The following GABRB3 variants were observed in gnomAD, a reference collection of about 807,000 sequenced individuals.
GABRB3 encodes the protein gamma-aminobutyric acid type A receptor subunit beta3, also known as gamma-aminobutyric acid receptor subunit beta-3.
In GABRB3, 14 loss-of-function variants were observed where a neutral mutation model predicts 52.1. The ratio of observed to expected loss-of-function variants is 0.27; its 90% CI spans 0.18 to 0.42. The LOEUF is 0.42. Ranked by LOEUF, GABRB3 falls within the 10% of genes least tolerant of loss-of-function variation. The pLI, the probability that GABRB3 is intolerant of heterozygous loss-of-function variation, is 1.00. For synonymous variants in GABRB3, 260 were observed against 232.3 expected (o/e 1.12, Z -1.08); for missense variants, 307 against 609.1 (o/e 0.50, Z 5.22).
chr15:26,743,712 C>G (rs1336529173), intron 3 of GABRB3, among the ~76,000 whole-genome samples: 1 of 152,156 alleles, frequency 6.6e-6, no homozygotes, highest in Non-Finnish European at 1.5e-5. Context: ...CATTTTCTGT[C>G]ATTATAGTGA....
At chr15:26,753,339 G>A (rs1890568963) in intron 3 of GABRB3, among the ~76,000 whole-genome samples, 2 of 152,214 alleles carry the variant, frequency 1.3e-5, no homozygotes, top group Non-Finnish European at 2.9e-5. Context: ...GACCACAGGA[G>A]ATTCACAGGT....
intron 5 of GABRB3, 153 bp from the exon 6 acceptor site, chr15:26,580,609 T>C (rs1024781536): frequency 1.0e-6 from 1 of 974,322 alleles, no homozygotes; most frequent in Non-Finnish European, 1.6e-6. Context: ...ATCAAAGAAC[T>C]AACTTTCCAA....
At chr15:26,684,841 T>G (rs929660454) in intron 3 of GABRB3, among the ~76,000 whole-genome samples, 30 of 152,200 alleles carry the variant, frequency 2.0e-4, no homozygotes, top group Non-Finnish European at 3.1e-4. Context: ...CAAGGATCGC[T>G]GCTCACAGGT....
intron 3 of GABRB3, among the ~76,000 whole-genome samples, chr15:26,648,709 G>A (rs1330409957): frequency 6.6e-6 from 1 of 152,240 alleles, no homozygotes; most frequent in Admixed American, 6.5e-5. Context: ...GAGAGAAACA[G>A]TGTCTGTAAA....
At chr15:26,676,598 G>C (rs77841622) in intron 3 of GABRB3, among the ~76,000 whole-genome samples, 1,847 of 152,240 alleles carry the variant, frequency 0.012, 42 homozygotes, top group African/African-American at 0.043. Flanking sequence ...ACTAACACAG[G>C]AAGAAAAGAA....
At chr15:26,574,409 G>A (rs1437290748) in intron 6 of GABRB3, among the ~76,000 whole-genome samples, 2 of 152,082 alleles carry the variant, frequency 1.3e-5, no homozygotes, top group African/African-American at 4.8e-5. Context: ...CTAAGTATAT[G>A]AGTTAATTTC....
At chr15:26,645,437 G>C (rs906096267) in intron 3 of GABRB3, among the ~76,000 whole-genome samples, 4 of 152,168 alleles carry the variant, frequency 2.6e-5, no homozygotes, top group African/African-American at 9.7e-5. Context: ...TGTGAGGTAT[G>C]GTGATGGGTG....
intron 3 of GABRB3, among the ~76,000 whole-genome samples, chr15:26,720,105 G>A (rs1310577293): frequency 6.6e-6 from 1 of 151,954 alleles, no homozygotes; most frequent in South Asian, 2.1e-4. Flanking sequence ...GCTCAACCTG[G>A]CTCAAAAAGC....
At chr15:26,772,813 C>A (rs779143981) in intron 1 of GABRB3, 41 bp from the exon 2 acceptor site, 2 of 1,477,356 alleles carry the variant, frequency 1.4e-6, no homozygotes, top group South Asian at 1.3e-5. Context: ...GGGTCAGGGG[C>A]GGCTCAGCCG....
chr15:26,732,197 G>A (rs766684910), intron 3 of GABRB3, among the ~76,000 whole-genome samples: 11 of 151,634 alleles, frequency 7.3e-5, no homozygotes, highest in Non-Finnish European at 1.5e-4. Flanking sequence ...TGTATAGATG[G>A]ATGGGTGGAT....
At chr15:26,571,624 A>G (rs868841891) in intron 6 of GABRB3, among the ~76,000 whole-genome samples, 5 of 152,216 alleles carry the variant, frequency 3.3e-5, no homozygotes, top group African/African-American at 1.2e-4. Context: ...ACAGTCAAAC[A>G]AACACTTGGA....
chr15:26,660,170 C>T (rs962380853), intron 3 of GABRB3, among the ~76,000 whole-genome samples: 3 of 150,512 alleles, frequency 2.0e-5, no homozygotes, highest in African/African-American at 7.4e-5. Context: ...GTGGAGGTTG[C>T]GGTGAGTCGA....
intron 5 of GABRB3, 144 bp from the exon 6 acceptor site, chr15:26,580,600 T>C: frequency 9.7e-7 from 1 of 1,033,628 alleles, no homozygotes; most frequent in Admixed American, 1.8e-5. Flanking sequence ...GGAAGTGTCA[T>C]CAAAGAACTA....
At chr15:26,715,943 A>T (rs1050878249) in intron 3 of GABRB3, among the ~76,000 whole-genome samples, 1 of 152,206 alleles carries the variant, frequency 6.6e-6, no homozygotes, top group Non-Finnish European at 1.5e-5. Flanking sequence ...AGACACAAAA[A>T]GCAAAATACA....
chr15:26,550,051 A>G (rs897130369), intron 8 of GABRB3: 1 of 152,182 alleles, frequency 6.6e-6, no homozygotes, highest in African/African-American at 2.4e-5. Context: ...GACTTTGTGC[A>G]TGTCATTAAG....
At chr15:26,755,008 T>TTC (rs1322552147) in intron 3 of GABRB3, among the ~76,000 whole-genome samples, 3 of 150,324 alleles carry the variant, frequency 2.0e-5, no homozygotes, top group African/African-American at 7.3e-5. Context: ...CTAACAACTT[T>TTC]TTTTTTTTTT....
rs868567760 is a variant in GABRB3, at chr15:26,617,512, T to C, written c.461+3802A>G. Reference sequence around the variant, plus strand: ...ATAAATTAGGTATTGATGGGACGTATCTCAAAATAATAAGAGCTATCTATC... The same window carrying C: ...ATAAATTAGGTATTGATGGGACGTACCTCAAAATAATAAGAGCTATCTATC... On this transcript the variant is annotated intron_variant, in intron 4 of 8. Transcript: ENST00000311550. 3.3e-5 allele frequency among the ~76,000 whole-genome samples: 5 copies of C among 152,230 alleles called. No individual in the cohort carries two copies. In the South Asian group the frequency reaches 6.2e-4, roughly 19 times the overall value.
At chr15:26,678,416 G>A (rs528722934) in intron 3 of GABRB3, among the ~76,000 whole-genome samples, 7 of 152,270 alleles carry the variant, frequency 4.6e-5, no homozygotes, top group East Asian at 1.9e-4. Flanking sequence ...TGCAGAGTGC[G>A]GGGAAGATCC....
At position 26,621,531 on chromosome 15, in the gene GABRB3, A is replaced by G. The variant is rs1892483960; in HGVS notation, c.244T>C (p.Tyr82His). 1 of 1,610,330 alleles carries G rather than the reference A, an allele frequency of 6.2e-7. No homozygotes were observed. Among genetic ancestry groups the G allele is most frequent in the South Asian group, 1.1e-5 (1 of 91,008 alleles). Residue 82 changes from tyrosine to histidine, a missense_variant, in exon 4 of 9, where the codon TAT becomes CAT. Tyr to His is a moderately conservative substitution (Grantham distance 83). Around this residue, in one of 6 missense-constraint regions of GABRB3, gnomAD observed 31 missense variants for 71.2 expected, o/e 0.44. Transcript: ENST00000311550. This position sits in a 1 kb window ranked among gnomAD's most constrained non-coding sequence, Gnocchi z 4.1. ...TGTTGAAAATACATGGTTAAGGTATAATCCTGGGGGGAAAAGAAAAGAAAG... is the reference window on the plus strand; with the variant it reads ...TGTTGAAAATACATGGTTAAGGTATGATCCTGGGGGGAAAAGAAAAGAAAG... ...IDMVSEVNMD[Y>H]TLTMYFQQYW...
Sources: allele counts gnomAD v4.1 joint callset (sites outside exome capture counted in the v4.1 genomes callset), GRCh38; gene constraint gnomAD v4.1.1; regional missense constraint gnomAD v4.1.1; non-coding constraint Gnocchi (gnomAD v3.1); transcripts MANE v1.5; gene names NCBI Gene and HGNC (gene_info 2026-07-23, HGNC 2026-07-21).